TASP1: variants seen among roughly 807,000 people sequenced by gnomAD.
TASP1 encodes the protein taspase 1.
A neutral mutation model predicts 56.6 loss-of-function variants in TASP1; 16 were observed. That is an observed-to-expected ratio of 0.28 (90% CI 0.19 to 0.43). The LOEUF (loss-of-function observed/expected upper bound fraction) is 0.43. TASP1 is among the 20% of genes least tolerant of loss of function. TASP1 has a pLI of 1.00. For missense variants in TASP1, 393 were observed against 511.6 expected (o/e 0.77, Z 2.24); for synonymous variants, 179 against 184.2 (o/e 0.97, Z 0.23).
chr20:13,307,445 C>A, the TASP1 span, among the ~76,000 whole-genome samples: 2 of 152,144 alleles, frequency 1.3e-5, no homozygotes, highest in African/African-American at 4.8e-5. Flanking sequence ...TCTGGGGCTA[C>A]AGAAATGTTC....
At chr20:13,163,018 T>C in the TASP1 span, among the ~76,000 whole-genome samples, 15 of 152,130 alleles carry the variant, frequency 9.9e-5, no homozygotes, top group Admixed American at 2.6e-4. Flanking sequence ...GCAATACCAA[T>C]ATATTACGTA....
intron 8 of TASP1, among the ~76,000 whole-genome samples, chr20:13,545,154 T>C (rs533047069): frequency 2.0e-4 from 31 of 152,210 alleles, no homozygotes; most frequent in Admixed American, 2.0e-4. Context: ...GATAAGCATA[T>C]TGAAAAGCAA....
chr20:13,418,707 G>C (rs1461895085), intron 12 of TASP1, among the ~76,000 whole-genome samples: 1 of 152,190 alleles, frequency 6.6e-6, no homozygotes, highest in Non-Finnish European at 1.5e-5. Flanking sequence ...ACACTTGATG[G>C]ACTCCAACTT....
the TASP1 span, among the ~76,000 whole-genome samples, chr20:13,337,907 A>T: frequency 6.6e-6 from 1 of 152,202 alleles, no homozygotes; most frequent in African/African-American, 2.4e-5. Flanking sequence ...GGGTTGAGCA[A>T]GGCTGATGAT....
chr20:13,387,725 T>C (rs1046457817), downstream of TASP1, among the ~76,000 whole-genome samples: 2 of 152,244 alleles, frequency 1.3e-5, no homozygotes, highest in Non-Finnish European at 2.9e-5. Flanking sequence ...TTAAGTTCTT[T>C]GAGAAATCTC....
At chr20:13,372,972 C>T in the TASP1 span, among the ~76,000 whole-genome samples, 1 of 151,972 alleles carries the variant, frequency 6.6e-6, no homozygotes, top group East Asian at 1.9e-4. Flanking sequence ...TCTATAGATG[C>T]CATAAACCTA....
At chr20:13,106,114 C>G in the TASP1 span, among the ~76,000 whole-genome samples, 1 of 152,052 alleles carries the variant, frequency 6.6e-6, no homozygotes, top group Admixed American at 6.6e-5. Flanking sequence ...CGTTTTAAAA[C>G]AAAACAAAAG....
the TASP1 span, among the ~76,000 whole-genome samples, chr20:13,277,466 G>A: frequency 1.4e-4 from 22 of 152,116 alleles, no homozygotes; most frequent in African/African-American, 3.6e-4. Context: ...GCTCAGCATC[G>A]CCCTGTCACT....
At chr20:13,534,162 A>G (rs766187758) in intron 8 of TASP1, 21 bp from the exon 9 acceptor site, 1 of 1,612,818 alleles carries the variant, frequency 6.2e-7, no homozygotes, top group Non-Finnish European at 8.5e-7. Context: ...AAAGTGGCAC[A>G]AGTATTCACT....
the TASP1 span, chr20:13,298,858 A>G: frequency 7.1e-7 from 1 of 1,416,306 alleles, no homozygotes; most frequent in Non-Finnish European, 9.7e-7. Flanking sequence ...CCTCAGGAGC[A>G]GCCTGGTGTC....
Position 13,482,185 on chromosome 20 carries a change from C to T in TASP1, c.985+1042G>A, listed in dbSNP as rs571679559. Among the ~76,000 whole-genome samples the T allele has an allele frequency of 1.2e-4, 18 of 152,156 alleles. 1 individual carries two copies. The highest frequency in any genetic ancestry group is 3.4e-3 in the Middle Eastern group (1 of 294). ...ATTTGTTGAAGAGAGTTTTCCAGAG[C>T]GTATGTTCTTGACAACTTTGTGGAA... On this transcript the variant is annotated intron_variant, in intron 11 of 13. Coordinates refer to ENST00000337743, the MANE Select transcript of TASP1 (RefSeq NM_017714.3).
the TASP1 span, among the ~76,000 whole-genome samples, chr20:13,340,691 T>C: frequency 5.3e-5 from 8 of 152,194 alleles, no homozygotes; most frequent in Admixed American, 2.0e-4. Flanking sequence ...TCCACTCTCT[T>C]AGTGATTTTG....
At chr20:13,456,170 A>G (rs2043825795) in intron 11 of TASP1, among the ~76,000 whole-genome samples, 2 of 152,172 alleles carry the variant, frequency 1.3e-5, no homozygotes, top group South Asian at 2.1e-4. Flanking sequence ...ACCAGTCAAG[A>G]GCAACGGTCA....
intron 8 of TASP1, among the ~76,000 whole-genome samples, chr20:13,538,791 C>T (rs747670506): frequency 2.0e-5 from 3 of 152,128 alleles, no homozygotes; most frequent in Non-Finnish European, 4.4e-5. Context: ...GCCTGTAATC[C>T]CAGCACTTTG....
the TASP1 span, among the ~76,000 whole-genome samples, chr20:13,311,441 T>A: frequency 6.6e-6 from 1 of 152,138 alleles, no homozygotes; most frequent in Non-Finnish European, 1.5e-5. Flanking sequence ...TGGGTATATA[T>A]CCAAAGAAAA....
At chr20:13,461,471 A>G (rs1391824794) in intron 11 of TASP1, among the ~76,000 whole-genome samples, 1 of 152,144 alleles carries the variant, frequency 6.6e-6, no homozygotes, top group Non-Finnish European at 1.5e-5. Context: ...TAATAAGAAA[A>G]TATATGTTTT....
the TASP1 span, among the ~76,000 whole-genome samples, chr20:13,179,406 C>CGTGTGTGTGTGT: frequency 0.052 from 7,430 of 143,392 alleles, 228 homozygotes; most frequent in Non-Finnish European, 0.057. Context: ...GAATTATGTG[C>CGTGTGTGTGTGT]GTGTGTGTGT....
At chr20:13,231,685 C>A in the TASP1 span, among the ~76,000 whole-genome samples, 3 of 152,186 alleles carry the variant, frequency 2.0e-5, no homozygotes, top group African/African-American at 7.2e-5. Context: ...TCATCTTGCA[C>A]AGAGCACTCT....
chr20:13,359,733 C>G, the TASP1 span, among the ~76,000 whole-genome samples: 1 of 151,864 alleles, frequency 6.6e-6, no homozygotes, highest in Non-Finnish European at 1.5e-5. Flanking sequence ...GGCCGAGACA[C>G]TTTAACTAAA....
Sources: gnomAD v4.1 joint callset for allele counts (sites outside exome capture counted in the v4.1 genomes callset) on GRCh38, gnomAD v4.1.1 for gene constraint, MANE v1.5 for transcripts, NCBI Gene and HGNC (gene_info 2026-07-23, HGNC 2026-07-21) for gene names.